Variants in OPCML observed in about 807,000 individuals in gnomAD.
OPCML encodes the protein opioid binding protein/cell adhesion molecule like, also known as opioid-binding protein/cell adhesion molecule.
A neutral mutation model predicts 37.8 loss-of-function variants in OPCML; 13 were observed. The ratio of observed to expected loss-of-function variants is 0.34; its 90% CI spans 0.22 to 0.55. The LOEUF (loss-of-function observed/expected upper bound fraction) is 0.55, where lower values mean the gene tolerates loss of function less well. OPCML is among the 20% of genes least tolerant of loss of function. The probability of loss-of-function intolerance (pLI) is 0.91; values close to 1 mark genes in which losing one functional copy is unlikely to be tolerated. For synonymous variants in OPCML, 176 were observed against 168.8 expected (o/e 1.04, Z -0.33); for missense variants, 341 against 435.6 (o/e 0.78, Z 1.93).
At chr11:133,059,498 A>G (rs1023072826) in intron 1 of OPCML, among the ~76,000 whole-genome samples, 2 of 152,230 alleles carry the variant, frequency 1.3e-5, no homozygotes, top group South Asian at 2.1e-4. Flanking sequence ...AGCCCATTGC[A>G]TGAGTAGTCA....
intron 2 of OPCML, among the ~76,000 whole-genome samples, chr11:132,848,331 T>C (rs998328897): frequency 6.6e-6 from 1 of 152,196 alleles, no homozygotes; most frequent in Non-Finnish European, 1.5e-5. Context: ...GGTGATGGGA[T>C]GGATGATGGT....
chr11:133,199,689 C>A (rs1393925786), intron 1 of OPCML, among the ~76,000 whole-genome samples: 2 of 152,184 alleles, frequency 1.3e-5, no homozygotes, highest in East Asian at 3.9e-4. Context: ...GATGACTAAT[C>A]CTTCAGCAAC....
intron 1 of OPCML, among the ~76,000 whole-genome samples, chr11:133,093,275 T>C (rs1565443576): frequency 6.6e-6 from 1 of 151,644 alleles, no homozygotes; most frequent in Non-Finnish European, 1.5e-5. Flanking sequence ...TTCTTTTTTT[T>C]CCATTTTCAT....
intron 3 of OPCML, among the ~76,000 whole-genome samples, chr11:132,633,731 G>A (rs1940300790): frequency 6.6e-6 from 1 of 152,130 alleles, no homozygotes; most frequent in Non-Finnish European, 1.5e-5. Context: ...ATGGGTGTGG[G>A]GTGGGGACAG....
intron 1 of OPCML, among the ~76,000 whole-genome samples, chr11:133,332,899 C>T (rs1466595763): frequency 6.6e-6 from 1 of 152,148 alleles, no homozygotes; most frequent in Non-Finnish European, 1.5e-5. Flanking sequence ...TGTTACCCGA[C>T]TTCAAACGAT....
At chr11:132,557,621 C>T (rs2096398788) in intron 3 of OPCML, among the ~76,000 whole-genome samples, 1 of 152,204 alleles carries the variant, frequency 6.6e-6, no homozygotes, top group Non-Finnish European at 1.5e-5. Flanking sequence ...TCTTAGTTAA[C>T]ATTGCCTGAT....
At chr11:132,521,741 T>G (rs1188136628) in intron 4 of OPCML, among the ~76,000 whole-genome samples, 1 of 152,126 alleles carries the variant, frequency 6.6e-6, no homozygotes. Flanking sequence ...AACCTGCACA[T>G]CCTGCACATT....
intron 2 of OPCML, among the ~76,000 whole-genome samples, chr11:132,865,447 C>T (rs184409379): frequency 2.0e-4 from 30 of 152,294 alleles, no homozygotes; most frequent in Admixed American, 1.8e-3. Context: ...TGAAATCATA[C>T]GCTCAGCCCA....
chr11:133,062,564 A>G, intron 1 of OPCML, among the ~76,000 whole-genome samples: 1 of 152,236 alleles, frequency 6.6e-6, no homozygotes, highest in African/African-American at 2.4e-5. Flanking sequence ...GTCTTGGTTC[A>G]GAACGTTGCA....
intron 2 of OPCML, among the ~76,000 whole-genome samples, chr11:132,765,010 G>C (rs1410785504): frequency 2.0e-5 from 3 of 152,200 alleles, no homozygotes; most frequent in African/African-American, 7.2e-5. Flanking sequence ...ATTTGATTGG[G>C]TAAGACACAT....
At chr11:133,314,479 G>C (rs1204726579) in intron 1 of OPCML, among the ~76,000 whole-genome samples, 1 of 150,670 alleles carries the variant, frequency 6.6e-6, no homozygotes, top group Non-Finnish European at 1.5e-5. Context: ...CAGAACCATG[G>C]ATTGGCTTCT....
At chr11:132,942,894 G>GGCTCGGA (rs780448848) in intron 2 of OPCML, 32 bp downstream of exon 2, 3 of 1,613,402 alleles carry the variant, frequency 1.9e-6, no homozygotes, top group Admixed American at 3.3e-5. Flanking sequence ...ACAGCCCAGG[G>GGCTCGGA]GCTCGGCCCC....
At chr11:132,871,664 G>A (rs559368974) in intron 2 of OPCML, among the ~76,000 whole-genome samples, 4 of 152,320 alleles carry the variant, frequency 2.6e-5, no homozygotes, top group African/African-American at 9.6e-5. Context: ...AAGCGCCACC[G>A]ATGTTAGGCA....
chr11:133,254,531 A>G (rs1439173537), intron 1 of OPCML, among the ~76,000 whole-genome samples: 1 of 152,216 alleles, frequency 6.6e-6, no homozygotes, highest in Non-Finnish European at 1.5e-5. Context: ...GGCAGGATGG[A>G]CTTGATACTG....
chr11:132,653,457 G>C (rs570695542), intron 3 of OPCML, among the ~76,000 whole-genome samples: 1 of 152,110 alleles, frequency 6.6e-6, no homozygotes, highest in South Asian at 2.1e-4. Flanking sequence ...CAACTAATCC[G>C]ACCCCACAGC....
chr11:133,068,459 C>T (rs1342908927), intron 1 of OPCML, among the ~76,000 whole-genome samples: 1 of 152,224 alleles, frequency 6.6e-6, no homozygotes, highest in South Asian at 2.1e-4. Context: ...GGACGCTGCC[C>T]TTCTTCCAGT....
At chr11:132,704,039 G>T (rs997915572) in intron 2 of OPCML, among the ~76,000 whole-genome samples, 2 of 152,056 alleles carry the variant, frequency 1.3e-5, no homozygotes, top group South Asian at 2.1e-4. Flanking sequence ...TGTTTGGTTG[G>T]TTTTTTTGCA....
chr11:132,895,303 G>C (rs149967475), intron 2 of OPCML, among the ~76,000 whole-genome samples: 23 of 152,282 alleles, frequency 1.5e-4, no homozygotes, highest in African/African-American at 5.1e-4. Flanking sequence ...TAATGACTTT[G>C]GTTGGTTGCT....
intron 1 of OPCML, among the ~76,000 whole-genome samples, chr11:133,079,665 G>A (rs1948678115): frequency 6.6e-6 from 1 of 151,952 alleles, no homozygotes; most frequent in Non-Finnish European, 1.5e-5. Flanking sequence ...TCTTGCACCA[G>A]CTCACCGTGT....
Sources: gnomAD v4.1 joint callset for allele counts (sites outside exome capture counted in the v4.1 genomes callset) on GRCh38, gnomAD v4.1.1 for gene constraint, MANE v1.5 for transcripts, NCBI Gene and HGNC (gene_info 2026-07-23, HGNC 2026-07-21) for gene names.